The following WDFY2 variants were observed in gnomAD, a reference collection of about 807,000 sequenced individuals.
WDFY2 encodes WD repeat and FYVE domain containing 2, also known as WD repeat and FYVE domain-containing protein 2.
In WDFY2, 36 loss-of-function variants were observed where a neutral mutation model predicts 56.4. The ratio of observed to expected loss-of-function variants is 0.64; its 90% CI spans 0.49 to 0.84. The LOEUF (loss-of-function observed/expected upper bound fraction) is 0.84. Among genes scored for constraint, WDFY2 ranks in the 40% least tolerant of loss-of-function variants. The pLI is 0.00. For synonymous variants in WDFY2, 176 were observed against 183.7 expected (o/e 0.96, Z 0.34); for missense variants, 444 against 512.2 (o/e 0.87, Z 1.29).
chr13:51,723,669 T>C (rs1952540214), intron 5 of WDFY2, among the ~76,000 whole-genome samples: 1 of 152,232 alleles, frequency 6.6e-6, no homozygotes, highest in Admixed American at 6.5e-5. Flanking sequence ...CCAAGTGTGC[T>C]TCATAGAGCT....
intron 5 of WDFY2, among the ~76,000 whole-genome samples, chr13:51,724,277 A>G (rs1227429821): frequency 8.3e-6 from 1 of 120,956 alleles, no homozygotes; most frequent in Non-Finnish European, 1.6e-5. Flanking sequence ...CACTCTTGCC[A>G]TCCAGGCTGG....
At position 51,754,067 on chromosome 13, in the gene WDFY2, TG is replaced by T. The variant is rs1953303512; in HGVS notation, c.832-1288del. 3.5e-5 allele frequency among the ~76,000 whole-genome samples: 5 copies of T among 141,230 alleles called. No homozygotes were observed. In the South Asian group the frequency reaches 1.1e-3, roughly 32 times the overall value. The allele number at this position is 141,230 out of a possible 152,430, so 92.7% of individuals were successfully genotyped here. A position where few individuals can be genotyped will look rare whatever the true frequency, so the allele number is the denominator to read the frequency against. On this transcript the variant is annotated intron_variant, in intron 8 of 11. Coordinates refer to ENST00000298125, the MANE Select transcript of WDFY2 (RefSeq NM_052950.4). ...AAGATCGCACCACTGCACTCCAGCC[TG>T]GGCAACACAGCAAGGCTGTCTCAAA...
intron 1 of WDFY2, among the ~76,000 whole-genome samples, chr13:51,653,343 G>A (rs1016542355): frequency 5.3e-5 from 8 of 152,098 alleles, no homozygotes; most frequent in Non-Finnish European, 1.0e-4. Context: ...CTTTGCCATG[G>A]GTTCGAACTT....
chr13:51,622,939 C>T (rs1327623809), intron 1 of WDFY2, among the ~76,000 whole-genome samples: 1 of 150,644 alleles, frequency 6.6e-6, no homozygotes, highest in African/African-American at 2.5e-5. Flanking sequence ...CTCACTGCAG[C>T]CTCCACCTCC....
At chr13:51,710,108 C>T (rs1952177387) in intron 4 of WDFY2, among the ~76,000 whole-genome samples, 4 of 152,298 alleles carry the variant, frequency 2.6e-5, no homozygotes, top group Non-Finnish European at 4.4e-5. Flanking sequence ...TAGGCTTCAT[C>T]CCTGGGATGC....
intron 1 of WDFY2, among the ~76,000 whole-genome samples, chr13:51,619,724 GA>G (rs746489506): frequency 1.3e-5 from 2 of 152,214 alleles, no homozygotes; most frequent in African/African-American, 2.4e-5. Flanking sequence ...CCCAGAACCA[GA>G]ATAGGTTCAG....
At chr13:51,701,895 C>G (rs952173569) in intron 3 of WDFY2, among the ~76,000 whole-genome samples, 3 of 152,176 alleles carry the variant, frequency 2.0e-5, no homozygotes, top group Non-Finnish European at 4.4e-5. Flanking sequence ...AGTTGGGGGT[C>G]AGGGTCAAGG....
At chr13:51,654,405 C>G (rs561249739) in intron 1 of WDFY2, among the ~76,000 whole-genome samples, 1 of 152,322 alleles carries the variant, frequency 6.6e-6, no homozygotes, top group South Asian at 2.1e-4. Flanking sequence ...GCTGCACCCA[C>G]TGTCCTGCAC....
Position 51,727,766 on chromosome 13 carries a change from G to C in WDFY2, c.574G>C (p.Val192Leu). The C allele has an allele frequency of 6.2e-7, 1 of 1,614,150 alleles. No homozygotes were observed. Among genetic ancestry groups the C allele is most frequent in the Non-Finnish European group, 8.5e-7 (1 of 1,180,014 alleles). ...ACTGGAGCAAGAAAACTGCACCCTG[G>C]TCACAACATTCAGAGGACACACAGG... is the stretch of plus-strand genomic sequence containing the variant. ...LKLEQENCTLVTTFRGHTGGV... is the reference protein window; with the variant it reads ...LKLEQENCTLLTTFRGHTGGV... Residue 192 changes from valine (V) to leucine (L), a missense_variant, in exon 6 of 12, where the codon GTC becomes CTC. Coordinates refer to ENST00000298125, the MANE Select transcript of WDFY2 (RefSeq NM_052950.4).
At chr13:51,707,956 T>C (rs2138594769) in intron 4 of WDFY2, among the ~76,000 whole-genome samples, 1 of 127,848 alleles carries the variant, frequency 7.8e-6, no homozygotes, top group South Asian at 2.9e-4. Context: ...TTTTTTTTTT[T>C]TTTTTTTTTT....
intron 1 of WDFY2, among the ~76,000 whole-genome samples, chr13:51,639,188 G>A (rs1955110044): frequency 6.6e-6 from 1 of 152,066 alleles, no homozygotes; most frequent in Non-Finnish European, 1.5e-5. Context: ...TTTACACCAT[G>A]TACTTTGATA....
At chr13:51,748,187 C>T (rs1282724663) in intron 7 of WDFY2, among the ~76,000 whole-genome samples, 2 of 152,186 alleles carry the variant, frequency 1.3e-5, no homozygotes, top group African/African-American at 4.8e-5. Context: ...ACTGTTTTTC[C>T]ACCGGTGTAA....
chr13:51,607,895 A>G (rs1954413683), intron 1 of WDFY2, among the ~76,000 whole-genome samples: 1 of 152,212 alleles, frequency 6.6e-6, no homozygotes. Flanking sequence ...TTCCTGGACT[A>G]TCAGGATGTG....
chr13:51,742,851 A>C (rs1490828509), intron 7 of WDFY2, among the ~76,000 whole-genome samples: 2 of 152,130 alleles, frequency 1.3e-5, no homozygotes, highest in Non-Finnish European at 2.9e-5. Context: ...CCAAAATCCA[A>C]GCTCTTGATT....
At chr13:51,692,790 G>T (rs9568653) in intron 3 of WDFY2, among the ~76,000 whole-genome samples, 17 of 152,090 alleles carry the variant, frequency 1.1e-4, no homozygotes, top group South Asian at 6.2e-4. Flanking sequence ...TCCTTGTACC[G>T]CTGGTAGAAT....
rs150976006 is a variant in WDFY2 at position 51,748,190 on chromosome 13, C to T, written c.726-3120C>T. Reference sequence around the variant, plus strand: ...CCGACTGCCAAAACTGTTTTTCCACCGGTGTAACCACATCCCTGCACTTCT... The same window carrying T: ...CCGACTGCCAAAACTGTTTTTCCACTGGTGTAACCACATCCCTGCACTTCT... On this transcript the variant is annotated intron_variant, in intron 7 of 11. Coordinates refer to ENST00000298125, the MANE Select transcript of WDFY2 (RefSeq NM_052950.4). Among the ~76,000 whole-genome samples the T allele has an allele frequency of 5.1e-3, 774 of 152,274 alleles. 5 individuals carry two copies. The highest frequency in any genetic ancestry group is 0.014 in the African/African-American group (592 of 41,544).
At chr13:51,616,096 G>A (rs950773479) in intron 1 of WDFY2, among the ~76,000 whole-genome samples, 1 of 152,152 alleles carries the variant, frequency 6.6e-6, no homozygotes, top group Non-Finnish European at 1.5e-5. Flanking sequence ...CATTAGTCGA[G>A]CTCAGTAGTG....
chr13:51,759,758 G>C lies in WDFY2; in HGVS notation c.1192G>C (p.Val398Leu), dbSNP rs376424808. The change falls in exon 12 of 12, where the codon GTC (valine) becomes CTC (leucine). Residue 398 changes from valine (V) to leucine (L), a missense_variant. Coordinates refer to ENST00000298125, the MANE Select transcript of WDFY2 (RefSeq NM_052950.4). ...TTTGCAGTTGTGGGATATGACCCCA[G>C]TCGTGTCTTGATGACTCTCCCAGGA... The part of the protein sequence containing the change: ...KVIKLWDMTP[V>L]VS The C allele has an allele frequency of 2.5e-6, 4 of 1,614,040 alleles. No individual in the cohort carries two copies. Among genetic ancestry groups the C allele is most frequent in the Non-Finnish European group, 2.5e-6 (3 of 1,179,960 alleles).
chr13:51,608,966 C>G (rs1954437309), intron 1 of WDFY2, among the ~76,000 whole-genome samples: 1 of 152,012 alleles, frequency 6.6e-6, no homozygotes, highest in South Asian at 2.1e-4. Context: ...ATATCATTGG[C>G]TGTCATCTAC....
Sources: allele counts gnomAD v4.1 joint callset (sites outside exome capture counted in the v4.1 genomes callset), GRCh38; gene constraint gnomAD v4.1.1; transcripts MANE v1.5; gene names NCBI Gene and HGNC (gene_info 2026-07-23, HGNC 2026-07-21).